Variants in C1orf21 observed in about 807,000 individuals in gnomAD.
C1orf21 encodes the protein uncharacterized protein C1orf21.
In C1orf21, 3 loss-of-function variants were observed where a neutral mutation model predicts 18.7. The ratio of observed to expected loss-of-function variants is 0.16; its 90% CI spans 0.07 to 0.42. The LOEUF (loss-of-function observed/expected upper bound fraction) is 0.42. Ranked by LOEUF, C1orf21 falls within the 10% of genes least tolerant of loss-of-function variation. The pLI, the probability that C1orf21 is intolerant of heterozygous loss-of-function variation, is 0.99. For synonymous variants in C1orf21, 41 were observed against 46.4 expected (o/e 0.88, Z 0.47); for missense variants, 104 against 143.6 (o/e 0.72, Z 1.41).
At chr1:184,442,954 CAATTT>C (rs529449625) in intron 1 of C1orf21, among the ~76,000 whole-genome samples, 282 of 152,240 alleles carry the variant, frequency 1.9e-3, no homozygotes, top group Non-Finnish European at 3.1e-3. Context: ...CATTGTGTGA[CAATTT>C]AATTTATTTG....
At chr1:184,587,858 GC>G (rs1371631198) in intron 3 of C1orf21, among the ~76,000 whole-genome samples, 2 of 152,006 alleles carry the variant, frequency 1.3e-5, no homozygotes, top group African/African-American at 2.4e-5. Context: ...CACATAATCT[GC>G]CTGCCTCAGC....
chr1:184,615,453 A>C (rs1455974786), intron 5 of C1orf21, among the ~76,000 whole-genome samples: 2 of 152,184 alleles, frequency 1.3e-5, no homozygotes, highest in African/African-American at 4.8e-5. Context: ...CCTTTGCACA[A>C]GGGTGGGATT....
At chr1:184,556,106 A>G (rs1658875482) in intron 3 of C1orf21, among the ~76,000 whole-genome samples, 1 of 152,018 alleles carries the variant, frequency 6.6e-6, no homozygotes, top group South Asian at 2.1e-4. Context: ...ACACACATAC[A>G]CACACTGAGA....
chr1:184,434,349 G>C (rs751011904), intron 1 of C1orf21, among the ~76,000 whole-genome samples: 13 of 151,734 alleles, frequency 8.6e-5, no homozygotes, highest in Non-Finnish European at 1.8e-4. Context: ...TTATCTCCAT[G>C]TAAAGATGCA....
At chr1:184,614,469 A>G (rs947695839) in intron 5 of C1orf21, among the ~76,000 whole-genome samples, 1 of 151,444 alleles carries the variant, frequency 6.6e-6, no homozygotes, top group African/African-American at 2.4e-5. Context: ...AACATATATG[A>G]TGAATCATAC....
chr1:184,523,775 C>G (rs1198679083), intron 3 of C1orf21, among the ~76,000 whole-genome samples: 1 of 152,122 alleles, frequency 6.6e-6, no homozygotes, highest in South Asian at 2.1e-4. Context: ...AGGACCTATA[C>G]CATACACACT....
intron 1 of C1orf21, among the ~76,000 whole-genome samples, chr1:184,449,103 G>A (rs1657076948): frequency 6.6e-6 from 1 of 151,956 alleles, no homozygotes; most frequent in African/African-American, 2.4e-5. Flanking sequence ...ACAATGTGCA[G>A]GTTTGTTACA....
intron 1 of C1orf21, among the ~76,000 whole-genome samples, chr1:184,401,933 G>A (rs1047239034): frequency 6.6e-6 from 1 of 151,892 alleles, no homozygotes; most frequent in African/African-American, 2.4e-5. Context: ...AAGAACTAAT[G>A]CGTGTTTTAT....
At chr1:184,526,084 T>A (rs1234496616) in intron 3 of C1orf21, among the ~76,000 whole-genome samples, 1 of 152,224 alleles carries the variant, frequency 6.6e-6, no homozygotes, top group Non-Finnish European at 1.5e-5. Flanking sequence ...TTTAAAATTG[T>A]ATTGTTAGAG....
Position 184,621,535 on chromosome 1 carries a change from G to A in C1orf21, c.*1979G>A, listed in dbSNP as rs752680487. ...TTGTTCACTGGGGACTTTGCTTACC[G>A]TTCTGTGGGTGACCTTTTCCGGGAT... On this transcript the variant is annotated 3_prime_UTR_variant, in exon 6 of 6. Coordinates refer to ENST00000235307, the MANE Select transcript of C1orf21 (RefSeq NM_030806.4). The A allele has an allele frequency of 4.6e-5, 7 of 152,684 alleles. No homozygotes were observed. Among genetic ancestry groups the A allele is most frequent in the South Asian group, 2.1e-4 (1 of 4,818 alleles). 9.5% of individuals were successfully genotyped at this position (152,684 alleles called of 1,614,324 possible). A position where few individuals can be genotyped will look rare whatever the true frequency, so the allele number is the denominator to read the frequency against.
At chr1:184,535,318 T>TA (rs1658535257) in intron 3 of C1orf21, among the ~76,000 whole-genome samples, 1 of 152,176 alleles carries the variant, frequency 6.6e-6, no homozygotes, top group African/African-American at 2.4e-5. Flanking sequence ...TGTGACTTAG[T>TA]ATCAGCTCTC....
intron 1 of C1orf21, among the ~76,000 whole-genome samples, chr1:184,391,748 C>T (rs1410753008): frequency 3.3e-5 from 5 of 151,664 alleles, no homozygotes; most frequent in South Asian, 4.2e-4. Context: ...AGTCTTGCTC[C>T]GTCACCCAAG....
chr1:184,441,532 G>A (rs1021574977), intron 1 of C1orf21, among the ~76,000 whole-genome samples: 1 of 152,180 alleles, frequency 6.6e-6, no homozygotes, highest in African/African-American at 2.4e-5. Flanking sequence ...GAGGGCAGTA[G>A]GAATGTTGAG....
intron 2 of C1orf21, among the ~76,000 whole-genome samples, chr1:184,483,370 G>A (rs938464724): frequency 2.6e-5 from 4 of 152,176 alleles, no homozygotes; most frequent in African/African-American, 4.8e-5. Flanking sequence ...CAACTAAAGT[G>A]GGTGCATAGA....
intron 1 of C1orf21, among the ~76,000 whole-genome samples, chr1:184,396,236 G>T (rs1399340273): frequency 6.6e-6 from 1 of 152,152 alleles, no homozygotes; most frequent in African/African-American, 2.4e-5. Flanking sequence ...AGAGAGAAAA[G>T]CCTATTTTGT....
chr1:184,473,796 G>C (rs1657529264), intron 1 of C1orf21, among the ~76,000 whole-genome samples: 1 of 152,126 alleles, frequency 6.6e-6, no homozygotes, highest in South Asian at 2.1e-4. Flanking sequence ...CTGTATTTAA[G>C]CTGCAATAGC....
In C1orf21 at chr1:184,548,723, T is replaced by C. The variant is rs1386898092; in HGVS notation, c.189+41041T>C. Among the ~76,000 whole-genome samples, 4 of 152,208 alleles carry C rather than the reference T, an allele frequency of 2.6e-5. No homozygotes were observed. In the East Asian group the frequency reaches 7.7e-4, roughly 29 times the overall value. ...ATTTGGACAAATTTGCAGGGTACTT[T>C]CCTTTGGAGAAGGAACTAAAGTATT... On this transcript the variant is annotated intron_variant, in intron 3 of 5. Coordinates refer to ENST00000235307, the MANE Select transcript of C1orf21 (RefSeq NM_030806.4).
At chr1:184,579,964 A>G (rs1196383577) in intron 3 of C1orf21, among the ~76,000 whole-genome samples, 3 of 152,202 alleles carry the variant, frequency 2.0e-5, no homozygotes, top group African/African-American at 7.2e-5. Context: ...AATGAGAGGA[A>G]TGAGCAGGAG....
intron 3 of C1orf21, among the ~76,000 whole-genome samples, chr1:184,586,959 A>G (rs1371704605): frequency 2.0e-5 from 3 of 152,104 alleles, no homozygotes; most frequent in Non-Finnish European, 2.9e-5. Flanking sequence ...TAATTTTTGT[A>G]TATCGTGTAA....
Sources: gnomAD v4.1 joint callset for allele counts (sites outside exome capture counted in the v4.1 genomes callset) on GRCh38, gnomAD v4.1.1 for gene constraint, MANE v1.5 for transcripts, NCBI Gene and HGNC (gene_info 2026-07-23, HGNC 2026-07-21) for gene names.